ALOX12: variants seen among roughly 807,000 people sequenced by gnomAD.
ALOX12 encodes arachidonate 12-lipoxygenase, 12S type, also known as polyunsaturated fatty acid lipoxygenase ALOX12.
In ALOX12, 62 loss-of-function variants were observed where a neutral mutation model predicts 85.5. That is an observed-to-expected ratio of 0.73 (90% CI 0.59 to 0.90). ALOX12 has a LOEUF of 0.90. ALOX12 is among the 40% of genes least tolerant of loss of function. The probability of loss-of-function intolerance (pLI) is 0.00; values close to 1 mark genes in which losing one functional copy is unlikely to be tolerated. For synonymous variants in ALOX12, 299 were observed against 332.7 expected (o/e 0.90, Z 1.10); for missense variants, 751 against 856.5 (o/e 0.88, Z 1.54).
At chr17:7,006,360 G>A in intron 10 of ALOX12, 126 bp from the exon 11 acceptor site, 1 of 1,426,730 alleles carries the variant, frequency 7.0e-7, no homozygotes, top group East Asian at 2.3e-5. Context: ...TTAGAGGGCT[G>A]AGGATGTCCC....
Position 6,999,538 on chromosome 17 carries a change from A to G in ALOX12, c.807+72A>G, listed in dbSNP as rs1044784861. 10 of 1,536,264 alleles carry G rather than the reference A, an allele frequency of 6.5e-6. No homozygotes were observed. In the African/African-American group the frequency reaches 1.4e-4, roughly 21 times the overall value. ...GGTGAGAACGGACAGAGAGAATCCA[A>G]ACTGAGTCAGAGGAAGGCTGCAGTA... On this transcript the variant is annotated intron_variant, in intron 6 of 13. Coordinates refer to ENST00000251535, the MANE Select transcript of ALOX12 (RefSeq NM_000697.3).
chr17:7,006,924 C>G (rs1293821784), intron 11 of ALOX12, among the ~76,000 whole-genome samples: 1 of 152,100 alleles, frequency 6.6e-6, no homozygotes, highest in Non-Finnish European at 1.5e-5. Context: ...ACAGTCCCTG[C>G]TGGGCTCATA....
chr17:7,010,254 GGCAC>G lies in ALOX12; in HGVS notation c.1824_1827del (p.His609ThrfsTer15). 1.9e-6 allele frequency: 3 copies of G among 1,613,682 alleles called. No homozygotes were observed. The highest frequency in any genetic ancestry group is 2.5e-6 in the Non-Finnish European group (3 of 1,179,858). On this transcript the variant is annotated frameshift_variant, in exon 14 of 14. Transcript: ENST00000251535. LOFTEE classifies it high-confidence loss of function. ...TTTGTTCTGTCTCAGGTGCCTCTGGGGCACCACAAAGAAAAATATTTCTCAGGCC... is the reference window on the plus strand; with the variant it reads ...TTTGTTCTGTCTCAGGTGCCTCTGGGCACAAAGAAAAATATTTCTCAGGCC...
rs369521224 is a variant in ALOX12, at chr17:7,010,263, A to G, written c.1832A>G (p.Lys611Arg). The G allele has an allele frequency of 4.3e-6, 7 of 1,613,730 alleles. No individual in the cohort carries two copies. The highest frequency in any genetic ancestry group is 1.7e-5 in the Admixed American group (1 of 59,920). ...QPDMVPLGHH[K>R]EKYFSGPKPK... Reference sequence around the variant, plus strand: ...TCTCAGGTGCCTCTGGGGCACCACAAAGAAAAATATTTCTCAGGCCCCAAG... The same window carrying G: ...TCTCAGGTGCCTCTGGGGCACCACAGAGAAAAATATTTCTCAGGCCCCAAG... The change falls in exon 14 of 14, where the codon AAA (lysine) becomes AGA (arginine). Residue 611 changes from lysine (K) to arginine (R), a missense_variant. Coordinates refer to ENST00000251535, the MANE Select transcript of ALOX12 (RefSeq NM_000697.3).
intron 8 of ALOX12, chr17:7,002,549 TG>T: frequency 2.1e-6 from 1 of 468,358 alleles, no homozygotes; most frequent in South Asian, 1.6e-5. Flanking sequence ...GTGCTTTGGG[TG>T]GCCAAAGCAG....
chr17:6,996,728 CCT>C (rs1908456200), intron 1 of ALOX12, 96 bp from the exon 2 acceptor site: 1 of 1,398,116 alleles, frequency 7.2e-7, no homozygotes, highest in East Asian at 2.5e-5. Context: ...CTTTGGAGGC[CCT>C]GAGAAACTGA....
chr17:6,996,282 C>T (rs987022850), intron 1 of ALOX12, 30 bp downstream of exon 1: 9 of 1,225,826 alleles, frequency 7.3e-6, no homozygotes, highest in Non-Finnish European at 5.1e-6. Flanking sequence ...GGAGCTAGGG[C>T]AGCGGGGACC....
At position 7,010,114 on chromosome 17, in the gene ALOX12, C is replaced by A. The variant is rs781112506; in HGVS notation, c.1800C>A (p.Arg600=). Residue 600 remains arginine (R), a synonymous_variant, in exon 13 of 14, where the codon CGC becomes CGA. Coordinates refer to ENST00000251535, the MANE Select transcript of ALOX12 (RefSeq NM_000697.3). The part of the protein sequence containing the change: ...QMAISWHLSR[R]QPDMVPLGHH... ...CCATCTCATGGCATCTGAGTCGCCGCCAGCCAGACATGGTGAGAGGGGACT... is the reference window on the plus strand; with the variant it reads ...CCATCTCATGGCATCTGAGTCGCCGACAGCCAGACATGGTGAGAGGGGACT... The A allele has an allele frequency of 6.2e-7, 1 of 1,611,834 alleles. No homozygotes were observed. Among genetic ancestry groups the A allele is most frequent in the African/African-American group, 1.3e-5 (1 of 74,994 alleles).
In ALOX12 at chr17:6,996,958, G is replaced by A; in HGVS notation, c.268G>A (p.Ala90Thr). The A allele has an allele frequency of 6.3e-7, 1 of 1,591,082 alleles. No individual in the cohort carries two copies. The highest frequency in any genetic ancestry group is 8.6e-7 in the Non-Finnish European group (1 of 1,168,604). Reference protein sequence around the residue: ...RITVQGPGACAEVAFPCYRWV... With the variant: ...RITVQGPGACTEVAFPCYRWV... ...CACGGTGCAGGGCCCTGGAGCCTGC[G>A]CGGAGGTGGCCTTCCCGTGCTACCG... Residue 90 changes from alanine (A) to threonine (T), a missense_variant, in exon 2 of 14, where the codon GCG (alanine) becomes ACG (threonine). By Grantham distance (58) the Ala-to-Thr change is moderately conservative. Transcript: ENST00000251535.
At chr17:7,001,027 A>C (rs1908681872) in intron 7 of ALOX12, 1 of 155,262 alleles carries the variant, frequency 6.4e-6, no homozygotes, top group Non-Finnish European at 1.4e-5. Context: ...GCTCACTGCA[A>C]CCTGCGCCTC....
At chr17:6,999,138 T>G in intron 5 of ALOX12, 82 bp downstream of exon 5, 1 of 1,513,786 alleles carries the variant, frequency 6.6e-7, no homozygotes, top group Non-Finnish European at 9.1e-7. Flanking sequence ...CCCGTAACTC[T>G]TTGCAAGAAG....
Position 7,001,674 on chromosome 17 carries a change from C to T in ALOX12, c.1024C>T (p.Leu342=), listed in dbSNP as rs1460537672. Residue 342 remains leucine (L), a synonymous_variant, in exon 8 of 14, where the codon CTG becomes TTG. Transcript: ENST00000251535. ...LPSDPPLAWL[L]AKSWVRNSDF... ...CTCAGACCCCCCACTTGCCTGGCTC[C>T]TGGCAAAGTCCTGGGTCCGAAATTC... 2.5e-6 allele frequency: 4 copies of T among 1,614,208 alleles called. No homozygotes were observed. The highest frequency in any genetic ancestry group is 2.5e-6 in the Non-Finnish European group (3 of 1,180,044).
intron 2 of ALOX12, among the ~76,000 whole-genome samples, chr17:6,997,519 CAGG>C (rs1435322932): frequency 1.3e-5 from 2 of 150,530 alleles, no homozygotes; most frequent in African/African-American, 4.9e-5. Flanking sequence ...CACTGGCCCG[CAGG>C]AGACGAGGAG....
intron 5 of ALOX12, 31 bp from the exon 6 acceptor site, chr17:6,999,275 A>G: frequency 6.2e-7 from 1 of 1,613,874 alleles, no homozygotes; most frequent in Non-Finnish European, 8.5e-7. Flanking sequence ...AGGCTGTGGT[A>G]CATATATCCT....
At position 6,996,916 on chromosome 17, in the gene ALOX12, T is replaced by C; in HGVS notation, c.226T>C (p.Trp76Arg). The C allele has an allele frequency of 6.2e-7, 1 of 1,612,870 alleles. No homozygotes were observed. Among genetic ancestry groups the C allele is most frequent in the Non-Finnish European group, 8.5e-7 (1 of 1,179,488 alleles). The change falls in exon 2 of 14, where the codon TGG (tryptophan) becomes CGG (arginine). Residue 76 changes from tryptophan to arginine, a missense_variant. By Grantham distance (101) the Trp-to-Arg change is moderately radical (BLOSUM62 -3). Transcript: ENST00000251535. ...GCACCACTGGCTGGTGGACGACGCG[T>C]GGTTCTGCGACCGCATCACGGTGCA... is the stretch of plus-strand genomic sequence containing the variant. ...RKHHWLVDDA[W>R]FCDRITVQGP...
intron 11 of ALOX12, 43 bp from the exon 12 acceptor site, chr17:7,009,704 C>G: frequency 1.3e-6 from 2 of 1,527,880 alleles, no homozygotes; most frequent in Non-Finnish European, 1.8e-6. Context: ...TGTTCCTCTC[C>G]TCTTATGCTG....
chr17:6,996,918 G>C lies in ALOX12; in HGVS notation c.228G>C (p.Trp76Cys). 6.2e-7 allele frequency: 1 copy of C among 1,612,650 alleles called. No individual in the cohort carries two copies. Among genetic ancestry groups the C allele is most frequent in the African/African-American group, 1.3e-5 (1 of 75,040 alleles). The change falls in exon 2 of 14, where the codon TGG becomes TGC. Residue 76 changes from tryptophan (W) to cysteine (C), a missense_variant. By Grantham distance (215) the Trp-to-Cys change is radical (BLOSUM62 -2). Transcript: ENST00000251535. Reference protein sequence around the residue: ...RKHHWLVDDAWFCDRITVQGP... With the variant: ...RKHHWLVDDACFCDRITVQGP... ...ACCACTGGCTGGTGGACGACGCGTGGTTCTGCGACCGCATCACGGTGCAGG... is the reference window on the plus strand; with the variant it reads ...ACCACTGGCTGGTGGACGACGCGTGCTTCTGCGACCGCATCACGGTGCAGG...
chr17:7,000,302 A>C lies in ALOX12; in HGVS notation c.808-34A>C. 6.2e-7 allele frequency: 1 copy of C among 1,611,344 alleles called. No individual in the cohort carries two copies. Among genetic ancestry groups the C allele is most frequent in the Non-Finnish European group, 8.5e-7 (1 of 1,177,966 alleles). ...CCGGCCCCCTGGGGGTAGACTTTGA[A>C]CTCTAAAAATGGATACATCCCTCCT... is the stretch of plus-strand genomic sequence containing the variant. On this transcript the variant is annotated intron_variant, in intron 6 of 13. Transcript: ENST00000251535. This position sits in a 1 kb window ranked among gnomAD's most constrained non-coding sequence, Gnocchi z 4.6.
Position 7,010,335 on chromosome 17 carries a change from A to G in ALOX12, c.1904A>G (p.Glu635Gly). The change falls in exon 14 of 14, where the codon GAA (glutamate) becomes GGA (glycine). Residue 635 changes from glutamate (E) to glycine (G), a missense_variant. Coordinates refer to ENST00000251535, the MANE Select transcript of ALOX12 (RefSeq NM_000697.3). Reference protein sequence around the residue: ...NQFRTDLEKLEKEITARNEQL... With the variant: ...NQFRTDLEKLGKEITARNEQL... ...TTCCGAACAGATTTGGAAAAGCTGG[A>G]AAAGGAGATTACAGCCCGGAATGAG... is the stretch of plus-strand genomic sequence containing the variant. 6.2e-7 allele frequency: 1 copy of G among 1,614,236 alleles called. No individual in the cohort carries two copies. The highest frequency in any genetic ancestry group is 8.5e-7 in the Non-Finnish European group (1 of 1,180,046).
Sources: allele counts gnomAD v4.1 joint callset (sites outside exome capture counted in the v4.1 genomes callset), GRCh38; gene constraint gnomAD v4.1.1; non-coding constraint Gnocchi (gnomAD v3.1); transcripts MANE v1.5; gene names NCBI Gene and HGNC (gene_info 2026-07-23, HGNC 2026-07-21).